Variants in HDAC4 observed in about 807,000 individuals in gnomAD.
The protein encoded by HDAC4 is histone deacetylase 4.
In HDAC4, 16 loss-of-function variants were observed where a neutral mutation model predicts 135.1. The observed-to-expected ratio is 0.12, with a 90% confidence interval of 0.08 to 0.18. The LOEUF (loss-of-function observed/expected upper bound fraction) is 0.18, where lower values mean the gene tolerates loss of function less well. Ranked by LOEUF, HDAC4 falls within the 10% of genes least tolerant of loss-of-function variation. The probability of loss-of-function intolerance (pLI) is 1.00; values close to 1 mark genes in which losing one functional copy is unlikely to be tolerated. For synonymous variants in HDAC4, 685 were observed against 653.4 expected (o/e 1.05, Z -0.74); for missense variants, 1,143 against 1,511.8 (o/e 0.76, Z 4.05).
At chr2:239,358,114 G>C (rs144382375) in intron 1 of HDAC4, among the ~76,000 whole-genome samples, 1 of 152,206 alleles carries the variant, frequency 6.6e-6, no homozygotes, top group African/African-American at 2.4e-5. Flanking sequence ...AGAGCAGCCG[G>C]GCTGTGACAC....
chr2:239,364,085 T>G (rs116186820), intron 1 of HDAC4, among the ~76,000 whole-genome samples: 2 of 152,192 alleles, frequency 1.3e-5, no homozygotes, highest in African/African-American at 4.8e-5. Context: ...AAGGATGTGG[T>G]TGGCCGGCAC....
chr2:239,126,761 T>G, intron 11 of HDAC4, 67 bp from the exon 12 acceptor site: 8 of 1,495,344 alleles, frequency 5.3e-6, no homozygotes, highest in Non-Finnish European at 7.4e-6. Flanking sequence ...GAGAGGGCTA[T>G]TGAGTAAGTG....
Position 239,051,468 on chromosome 2 carries a change from AT to A in HDAC4, c.*1628del, listed in dbSNP as rs2030839151. 1 of 152,514 alleles carries A rather than the reference AT, an allele frequency of 6.6e-6. No homozygotes were observed. 9.4% of individuals were successfully genotyped at this position (152,514 alleles called of 1,614,324 possible). On this transcript the variant is annotated 3_prime_UTR_variant, in exon 27 of 27. Coordinates refer to ENST00000543185, the MANE Select transcript of HDAC4 (RefSeq NM_001378414.1). ...ATTCAGAAAGGAAAAAGATTTAGAC[AT>A]TATTACCATTCAGAAAATTGCTAAA...
chr2:239,381,346 A>G (rs546346973), intron 1 of HDAC4, among the ~76,000 whole-genome samples: 3 of 152,354 alleles, frequency 2.0e-5, no homozygotes, highest in East Asian at 3.9e-4. Flanking sequence ...CTACATCTGC[A>G]TGCAAAACAC....
At chr2:239,393,224 G>A (rs966562274) in intron 1 of HDAC4, among the ~76,000 whole-genome samples, 1 of 152,196 alleles carries the variant, frequency 6.6e-6, no homozygotes, top group Non-Finnish European at 1.5e-5. Context: ...CCCAAGGAGG[G>A]CCTAGCCGCG....
intron 2 of HDAC4, among the ~76,000 whole-genome samples, chr2:239,324,904 T>C (rs1448700788): frequency 6.6e-6 from 1 of 152,192 alleles, no homozygotes; most frequent in Non-Finnish European, 1.5e-5. Context: ...GAAGAACAAC[T>C]GCAGCTCAGA....
At chr2:239,294,470 C>G (rs2051728099) in intron 2 of HDAC4, among the ~76,000 whole-genome samples, 1 of 152,138 alleles carries the variant, frequency 6.6e-6, no homozygotes, top group Admixed American at 6.5e-5. Flanking sequence ...GGAGGTCGCG[C>G]CACTGTGTTT....
Position 239,400,645 on chromosome 2 carries a change from G to C in HDAC4, c.-220+333C>G, listed in dbSNP as rs1360056537. 1 of 146,740 alleles carries C rather than the reference G, an allele frequency of 6.8e-6. No individual in the cohort carries two copies. The highest frequency in any genetic ancestry group is 1.5e-5 in the Non-Finnish European group (1 of 65,932). The allele number at this position is 146,740 out of a possible 1,614,324, so 9.1% of individuals were successfully genotyped here. A position where few individuals can be genotyped will look rare whatever the true frequency, so the allele number is the denominator to read the frequency against. ...CTGCAGGCTGCGCGGGGCGCGGGGC[G>C]GGCGGCGGACAATGGCCCGCGGGCG... On this transcript the variant is annotated intron_variant, in intron 1 of 26. Transcript: ENST00000543185. This position sits in a 1 kb window ranked among gnomAD's most constrained non-coding sequence, Gnocchi z 4.7.
intron 1 of HDAC4, among the ~76,000 whole-genome samples, chr2:239,377,216 G>A (rs1283887076): frequency 9.2e-6 from 1 of 109,218 alleles, no homozygotes; most frequent in Non-Finnish European, 1.8e-5. Context: ...TTCCCCAGGC[G>A]TCAGCTGCCC....
At chr2:239,220,932 A>AAAAAGC (rs2046913719) in intron 3 of HDAC4, among the ~76,000 whole-genome samples, 2 of 152,114 alleles carry the variant, frequency 1.3e-5, no homozygotes, top group South Asian at 4.1e-4. Flanking sequence ...CTGTAGCCAA[A>AAAAAGC]AAAAGCCAGG....
At chr2:239,162,032 GGGC>G in intron 6 of HDAC4, 1 of 436,212 alleles carries the variant, frequency 2.3e-6, no homozygotes, top group South Asian at 1.6e-5. Context: ...ACTGACTCCT[GGGC>G]GAGGGGGCGC....
intron 4 of HDAC4, among the ~76,000 whole-genome samples, chr2:239,177,585 C>A (rs2043855340): frequency 6.6e-6 from 1 of 152,116 alleles, no homozygotes; most frequent in East Asian, 1.9e-4. Flanking sequence ...CCAACAGCAC[C>A]CTTAAGGGCT....
chr2:239,261,246 C>T (rs1053505445), intron 2 of HDAC4, among the ~76,000 whole-genome samples: 1 of 152,178 alleles, frequency 6.6e-6, no homozygotes. Flanking sequence ...ACAGGTACTG[C>T]CGAGGCCTAA....
intron 2 of HDAC4, among the ~76,000 whole-genome samples, chr2:239,341,919 A>G (rs1439418692): frequency 6.6e-6 from 1 of 152,206 alleles, no homozygotes; most frequent in African/African-American, 2.4e-5. Context: ...TCTCAGGAAC[A>G]GGATTAGTGC....
intron 6 of HDAC4, chr2:239,162,319 C>T (rs991288030): frequency 2.2e-6 from 1 of 456,692 alleles, no homozygotes; most frequent in Non-Finnish European, 4.4e-6. Context: ...TCTCCATCCT[C>T]CGCCAGGCCC....
chr2:239,345,609 A>G (rs1692569354), intron 2 of HDAC4, among the ~76,000 whole-genome samples: 1 of 150,198 alleles, frequency 6.7e-6, no homozygotes, highest in African/African-American at 2.5e-5. Context: ...ACATACACAC[A>G]CCCTAACACA....
At chr2:239,392,268 G>A (rs1048895138) in intron 1 of HDAC4, among the ~76,000 whole-genome samples, 1 of 152,248 alleles carries the variant, frequency 6.6e-6, no homozygotes, top group African/African-American at 2.4e-5. Context: ...CTCGAAAGGC[G>A]AGAAGACACA....
intron 2 of HDAC4, among the ~76,000 whole-genome samples, chr2:239,316,193 C>T (rs937386092): frequency 2.0e-5 from 3 of 152,138 alleles, no homozygotes; most frequent in South Asian, 2.1e-4. Flanking sequence ...ACACTACTGG[C>T]GGAAATGCAA....
intron 1 of HDAC4, among the ~76,000 whole-genome samples, chr2:239,356,645 A>C (rs1468498856): frequency 6.6e-6 from 1 of 152,250 alleles, no homozygotes; most frequent in Non-Finnish European, 1.5e-5. Context: ...TAAAGAAAGA[A>C]TACTACCAGC....
Sources: allele counts gnomAD v4.1 joint callset (sites outside exome capture counted in the v4.1 genomes callset), GRCh38; gene constraint gnomAD v4.1.1; non-coding constraint Gnocchi (gnomAD v3.1); transcripts MANE v1.5; gene names NCBI Gene and HGNC (gene_info 2026-07-23, HGNC 2026-07-21).